The following DYM variants were observed in gnomAD, a reference collection of about 807,000 sequenced individuals.
DYM encodes dymeclin, also known as dyggve-Melchior-Clausen syndrome protein.
DYM carries 78 observed loss-of-function variants against 93.1 expected under a neutral mutation model. That is an observed-to-expected ratio of 0.84 (90% confidence interval 0.70 to 1.01). The LOEUF (loss-of-function observed/expected upper bound fraction) is 1.01. DYM is among the 50% of genes least tolerant of loss of function. The pLI, the probability that DYM is intolerant of heterozygous loss-of-function variation, is 0.00. For missense variants in DYM, 789 were observed against 845.0 expected, an observed-to-expected ratio of 0.93 and a Z score of 0.82; for synonymous variants, 321 against 319.7, an observed-to-expected ratio of 1.00 and a Z score of -0.04.
intron 1 of DYM, among the ~76,000 whole-genome samples, chr18:49,455,305 C>A (rs2082889083): frequency 6.6e-6 from 1 of 152,204 alleles, no homozygotes; most frequent in South Asian, 2.1e-4. Context: ...GTCCCAAGGG[C>A]ACCTCAAACT....
intron 2 of DYM, among the ~76,000 whole-genome samples, chr18:49,401,616 C>T (rs1317447663): frequency 6.8e-6 from 1 of 147,654 alleles, no homozygotes; most frequent in Non-Finnish European, 1.5e-5. Context: ...AATCAATCAA[C>T]CTTTCTCTCT....
chr18:49,102,681 T>C (rs1400635725), intron 16 of DYM, among the ~76,000 whole-genome samples: 4 of 152,174 alleles, frequency 2.6e-5, no homozygotes, highest in African/African-American at 9.7e-5. Flanking sequence ...TTTTTTGTCC[T>C]TGCGATAGTT....
At chr18:49,197,054 C>T (rs1022581560) in intron 14 of DYM, among the ~76,000 whole-genome samples, 15 of 152,198 alleles carry the variant, frequency 9.9e-5, no homozygotes, top group Middle Eastern at 3.4e-3. Context: ...AGCAACTTGA[C>T]GGATACAGGC....
rs770874690 is a variant in DYM, at chr18:49,139,591, T to A, written c.1729-20665A>T. Among the ~76,000 whole-genome samples, 30 of 152,308 alleles carry A rather than the reference T, an allele frequency of 2.0e-4. No homozygotes were observed. The South Asian group carries it at 3.3e-3, about 17-fold the overall frequency. On this transcript the variant is annotated intron_variant, in intron 15 of 17. Coordinates refer to ENST00000675505, the MANE Select transcript of DYM (RefSeq NM_001353214.3). ...CAAGAATTAACTGGGAATCTGAGAA[T>A]AAGATCATGCTTCAAATTTACGATA...
intron 17 of DYM, among the ~76,000 whole-genome samples, chr18:49,078,881 T>G (rs1182748365): frequency 6.6e-6 from 1 of 152,246 alleles, no homozygotes; most frequent in Non-Finnish European, 1.5e-5. Context: ...AAGAACTTCC[T>G]TTAGCACTGT....
At chr18:49,154,025 T>C (rs752381567) in intron 15 of DYM, among the ~76,000 whole-genome samples, 1 of 152,208 alleles carries the variant, frequency 6.6e-6, no homozygotes, top group Non-Finnish European at 1.5e-5. Context: ...CCCAGTATGA[T>C]GCACTGAGAA....
rs1480353011 is a variant in DYM, at chr18:49,440,863, AT to A, written c.-53-10417del. 1.9e-4 allele frequency among the ~76,000 whole-genome samples: 4 copies of A among 21,252 alleles called. 2 individuals are homozygous for A. The highest frequency in any genetic ancestry group is 3.7e-4 in the African/African-American group (2 of 5,384). The allele number at this position is 21,252 out of a possible 152,430, so 13.9% of individuals were successfully genotyped here. A position where few individuals can be genotyped will look rare whatever the true frequency, so the allele number is the denominator to read the frequency against. On this transcript the variant is annotated intron_variant, in intron 1 of 17. Transcript: ENST00000675505. The stretch of plus-strand genomic sequence containing the variant: ...AATACATTATATTTTATATATTTAT[AT>A]TATATATAATATATATTATATATAT...
chr18:49,217,133 C>T lies in DYM; in HGVS notation c.1461-7418G>A, dbSNP rs149962686. ...CAGAAGCCTCAGGAGCCAATGCGAT[C>T]AACTGGAAGAAAGGGTATCAGTGAT... On this transcript the variant is annotated intron_variant, in intron 13 of 17. Coordinates refer to ENST00000675505, the MANE Select transcript of DYM (RefSeq NM_001353214.3). Among the ~76,000 whole-genome samples the T allele has an allele frequency of 3.4e-3, 524 of 152,132 alleles. 5 individuals carry two copies. Among genetic ancestry groups the T allele is most frequent in the African/African-American group, 0.012 (486 of 41,488 alleles).
chr18:49,046,844 G>C (rs990151152), intron 17 of DYM, among the ~76,000 whole-genome samples: 6 of 152,160 alleles, frequency 3.9e-5, no homozygotes, highest in Non-Finnish European at 8.8e-5. Flanking sequence ...CAGTGAGCTA[G>C]AATCATGCCA....
At chr18:49,261,163 C>T (rs1173456481) in intron 11 of DYM, among the ~76,000 whole-genome samples, 1 of 152,082 alleles carries the variant, frequency 6.6e-6, no homozygotes, top group East Asian at 1.9e-4. Context: ...AGGAATACCA[C>T]ACTCAATTTC....
At chr18:49,218,754 C>T (rs1285244011) in intron 13 of DYM, among the ~76,000 whole-genome samples, 1 of 152,164 alleles carries the variant, frequency 6.6e-6, no homozygotes, top group Non-Finnish European at 1.5e-5. Context: ...ACATTCAAAG[C>T]AGTGTGTAGA....
intron 9 of DYM, among the ~76,000 whole-genome samples, chr18:49,285,101 C>T (rs11082746): frequency 0.035 from 5,397 of 152,222 alleles, 151 homozygotes; most frequent in East Asian, 0.08. Flanking sequence ...CCAAACCTGC[C>T]GGTGCCTGCA....
intron 15 of DYM, among the ~76,000 whole-genome samples, chr18:49,159,425 G>A (rs1031015466): frequency 6.6e-6 from 1 of 152,174 alleles, no homozygotes; most frequent in Non-Finnish European, 1.5e-5. Context: ...AGGTCTAAAA[G>A]ATTATTAATA....
At chr18:49,084,307 T>C (rs756895513) in intron 17 of DYM, among the ~76,000 whole-genome samples, 3 of 152,210 alleles carry the variant, frequency 2.0e-5, no homozygotes, top group African/African-American at 4.8e-5. Flanking sequence ...TTTAATTATG[T>C]TGTGGTCAAT....
At chr18:49,331,474 T>C (rs2063300491) in intron 8 of DYM, among the ~76,000 whole-genome samples, 1 of 152,268 alleles carries the variant, frequency 6.6e-6, no homozygotes, top group South Asian at 2.1e-4. Context: ...CTGCACCTAA[T>C]TAGTCACATG....
chr18:49,332,546 TAAC>T (rs1423298245), intron 7 of DYM, among the ~76,000 whole-genome samples: 1 of 152,166 alleles, frequency 6.6e-6, no homozygotes, highest in African/African-American at 2.4e-5. Flanking sequence ...AATTTAAAAA[TAAC>T]AATAGGACTA....
chr18:49,203,488 T>C (rs1220409230), intron 14 of DYM, among the ~76,000 whole-genome samples: 6 of 148,124 alleles, frequency 4.1e-5, no homozygotes, highest in African/African-American at 1.5e-4. Flanking sequence ...ATGGGAGACT[T>C]TTCATTTTGT....
chr18:49,205,099 T>G (rs2092400744), intron 14 of DYM, among the ~76,000 whole-genome samples: 1 of 152,232 alleles, frequency 6.6e-6, no homozygotes, highest in Non-Finnish European at 1.5e-5. Context: ...TAGCTGGGAC[T>G]ACAGGCATGT....
At chr18:49,128,223 G>A (rs1406382367) in intron 15 of DYM, among the ~76,000 whole-genome samples, 1 of 152,234 alleles carries the variant, frequency 6.6e-6, no homozygotes, top group Non-Finnish European at 1.5e-5. Context: ...GCCACTTGCA[G>A]TGGACAGAAC....
Sources: gnomAD v4.1 joint callset for allele counts (sites outside exome capture counted in the v4.1 genomes callset) on GRCh38, gnomAD v4.1.1 for gene constraint, MANE v1.5 for transcripts, NCBI Gene and HGNC (gene_info 2026-07-23, HGNC 2026-07-21) for gene names.